Variants in SUPT3H observed in about 807,000 individuals in gnomAD.
SUPT3H encodes the protein SPT3 homolog, SAGA and STAGA complex component, also known as transcription initiation protein SPT3 homolog.
SUPT3H carries 44 observed loss-of-function variants against 44.3 expected under a neutral mutation model. The ratio of observed to expected loss-of-function variants is 0.99; its 90% CI spans 0.78 to 1.28. The LOEUF (loss-of-function observed/expected upper bound fraction) is 1.28. Among genes scored for constraint, SUPT3H ranks in the 50% most tolerant of loss-of-function variants. The pLI, the probability that SUPT3H is intolerant of heterozygous loss-of-function variation, is 0.00. For synonymous variants in SUPT3H, 124 were observed against 125.6 expected (o/e 0.99, Z 0.09); for missense variants, 380 against 387.1 (o/e 0.98, Z 0.15).
At chr6:45,092,750 CA>C (rs71674371) in intron 3 of SUPT3H, among the ~76,000 whole-genome samples, 7 of 127,820 alleles carry the variant, frequency 5.5e-5, no homozygotes, top group African/African-American at 9.6e-5. Flanking sequence ...GACTTCGTCT[CA>C]AAAAAAAAAA....
intron 10 of SUPT3H, among the ~76,000 whole-genome samples, chr6:44,914,116 C>A (rs887903896): frequency 6.6e-6 from 1 of 152,056 alleles, no homozygotes; most frequent in Non-Finnish European, 1.5e-5. Context: ...CTGTCAGGAA[C>A]AAATAGGTAG....
chr6:44,887,471 A>G (rs977537832), intron 10 of SUPT3H, among the ~76,000 whole-genome samples: 4 of 152,210 alleles, frequency 2.6e-5, no homozygotes, highest in Non-Finnish European at 5.9e-5. Flanking sequence ...AACTCACTCA[A>G]AAGTGCTCAA....
At chr6:45,179,931 C>A (rs12196923) in intron 2 of SUPT3H, among the ~76,000 whole-genome samples, 3 of 151,844 alleles carry the variant, frequency 2.0e-5, no homozygotes, top group Non-Finnish European at 4.4e-5. Flanking sequence ...CAAATTGTCC[C>A]TGTTTGCAGA....
intron 2 of SUPT3H, among the ~76,000 whole-genome samples, chr6:45,304,611 A>C (rs1331190601): frequency 6.6e-6 from 1 of 152,218 alleles, no homozygotes; most frequent in Admixed American, 6.5e-5. Context: ...TCCTAAAAAG[A>C]AAGGTCAAAG....
intron 3 of SUPT3H, among the ~76,000 whole-genome samples, chr6:45,049,617 T>C (rs1789955415): frequency 6.6e-6 from 1 of 152,196 alleles, no homozygotes; most frequent in Non-Finnish European, 1.5e-5. Flanking sequence ...ACTCAGAGTT[T>C]AAGTGACTGT....
At chr6:44,905,042 C>G (rs566735613) in intron 10 of SUPT3H, among the ~76,000 whole-genome samples, 1 of 151,766 alleles carries the variant, frequency 6.6e-6, no homozygotes, top group African/African-American at 2.4e-5. Context: ...AAGACTTAAA[C>G]GTTAGACCTA....
intron 3 of SUPT3H, among the ~76,000 whole-genome samples, chr6:45,103,013 G>A (rs982101181): frequency 2.0e-5 from 3 of 151,188 alleles, no homozygotes; most frequent in African/African-American, 7.3e-5. Context: ...AATGGATAAA[G>A]AACTACAAAG....
intron 3 of SUPT3H, among the ~76,000 whole-genome samples, chr6:45,048,380 T>C (rs902623808): frequency 2.6e-5 from 4 of 152,084 alleles, no homozygotes; most frequent in African/African-American, 9.7e-5. Flanking sequence ...TTTCTTCTAG[T>C]AGTTTTACAG....
chr6:44,880,694 G>A (rs1049481761), intron 10 of SUPT3H, among the ~76,000 whole-genome samples: 5 of 152,088 alleles, frequency 3.3e-5, no homozygotes, highest in African/African-American at 9.7e-5. Context: ...AAGGGTTACC[G>A]ACAAAGGGAA....
chr6:44,884,282 A>G (rs958331550), intron 10 of SUPT3H, among the ~76,000 whole-genome samples: 2 of 152,240 alleles, frequency 1.3e-5, no homozygotes, highest in African/African-American at 2.4e-5. Flanking sequence ...CATTAGAGAA[A>G]TGCAAATCAA....
chr6:44,870,404 C>T lies in SUPT3H; in HGVS notation c.913-40547G>A, dbSNP rs185217835. 5.7e-4 allele frequency among the ~76,000 whole-genome samples: 86 copies of T among 152,086 alleles called. 1 individual carries two copies. The highest frequency in any genetic ancestry group is 2.0e-3 in the African/African-American group (85 of 41,478). On this transcript the variant is annotated intron_variant, in intron 10 of 10. Coordinates refer to ENST00000371459, the MANE Select transcript of SUPT3H (RefSeq NM_003599.4). Reference sequence around the variant, plus strand: ...TTGAGGCCAGGAGCTCAAGACCAGCCTGGGCAACACGGTGAAACTCCATCT... The same window carrying T: ...TTGAGGCCAGGAGCTCAAGACCAGCTTGGGCAACACGGTGAAACTCCATCT...
At chr6:44,914,299 T>C (rs1316199388) in intron 10 of SUPT3H, among the ~76,000 whole-genome samples, 2 of 152,222 alleles carry the variant, frequency 1.3e-5, no homozygotes, top group Non-Finnish European at 2.9e-5. Flanking sequence ...GTTGGTTATG[T>C]GGAGCTTTGC....
At chr6:45,296,738 C>CAA (rs60921436) in intron 2 of SUPT3H, among the ~76,000 whole-genome samples, 1,626 of 29,610 alleles carry the variant, frequency 0.055, 310 homozygotes, top group Non-Finnish European at 0.066. Context: ...GACTCTGTCT[C>CAA]AAAAAAAAAA....
chr6:45,050,884 T>TC (rs1220287056), intron 3 of SUPT3H, among the ~76,000 whole-genome samples: 1 of 140,458 alleles, frequency 7.1e-6, no homozygotes, highest in Non-Finnish European at 1.6e-5. Context: ...TGGGATTTTT[T>TC]TTTTTTTTTT....
At chr6:45,018,309 T>C (rs1316522113) in intron 4 of SUPT3H, among the ~76,000 whole-genome samples, 1 of 152,058 alleles carries the variant, frequency 6.6e-6, no homozygotes, top group Admixed American at 6.5e-5. Context: ...CAATTTGACT[T>C]CCTCTTTTCC....
At chr6:44,905,426 T>C (rs1482246957) in intron 10 of SUPT3H, among the ~76,000 whole-genome samples, 1 of 52,102 alleles carries the variant, frequency 1.9e-5, no homozygotes, top group Non-Finnish European at 4.6e-5. Flanking sequence ...AAAATGCTCA[T>C]CATCACTGGC....
intron 6 of SUPT3H, among the ~76,000 whole-genome samples, chr6:44,976,239 T>C (rs1376233625): frequency 2.6e-5 from 4 of 152,208 alleles, no homozygotes; most frequent in Non-Finnish European, 1.5e-5. Context: ...TTACCAAGTA[T>C]GACTATCACG....
At position 44,953,302 on chromosome 6, in the gene SUPT3H, G is replaced by A. The variant is rs372071240; in HGVS notation, c.801+8C>T. 2 of 1,607,436 alleles carry A rather than the reference G, an allele frequency of 1.2e-6. No homozygotes were observed. Among genetic ancestry groups the A allele is most frequent in the African/African-American group, 1.3e-5 (1 of 74,502 alleles). On this transcript the variant is annotated splice_region_variant and intron_variant, in intron 9 of 10. Coordinates refer to ENST00000371459, the MANE Select transcript of SUPT3H (RefSeq NM_003599.4). ...AAATGTTTTAAGACAGATTTTTTTT[G>A]TACTTACCTCAGCAGAGTTGTGATA...
At chr6:44,892,355 G>A (rs78696530) in intron 10 of SUPT3H, among the ~76,000 whole-genome samples, 2,068 of 152,252 alleles carry the variant, frequency 0.014, 24 homozygotes, top group Non-Finnish European at 0.022. Context: ...AAGGCCATGT[G>A]AAAATACAGT....
Sources: gnomAD v4.1 joint callset for allele counts (sites outside exome capture counted in the v4.1 genomes callset) on GRCh38, gnomAD v4.1.1 for gene constraint, MANE v1.5 for transcripts, NCBI Gene and HGNC (gene_info 2026-07-23, HGNC 2026-07-21) for gene names.